The following PAK1 variants were observed in gnomAD, a reference collection of about 807,000 sequenced individuals.
PAK1 encodes the protein serine/threonine-protein kinase PAK 1.
PAK1 carries 29 observed loss-of-function variants against 67.4 expected under a neutral mutation model. The ratio of observed to expected loss-of-function variants is 0.43; its 90% CI spans 0.32 to 0.59. The LOEUF is 0.59. PAK1 is among the 20% of genes least tolerant of loss of function. PAK1 has a pLI of 0.07. For missense variants in PAK1, 337 were observed against 670.7 expected, an observed-to-expected ratio of 0.50 and a Z score of 5.50; for synonymous variants, 223 against 237.4, an observed-to-expected ratio of 0.94 and a Z score of 0.56.
intron 1 of PAK1, among the ~76,000 whole-genome samples, chr11:77,437,269 A>G (rs1956167280): frequency 6.6e-6 from 1 of 152,212 alleles, no homozygotes; most frequent in Non-Finnish European, 1.5e-5. Context: ...TCAGGTACTT[A>G]GCACAGTCCC....
chr11:77,469,193 G>A (rs1309829652), intron 1 of PAK1, among the ~76,000 whole-genome samples: 2 of 152,152 alleles, frequency 1.3e-5, no homozygotes, highest in African/African-American at 4.8e-5. Context: ...GGAGTCAGGT[G>A]CACATGGACT....
intron 11 of PAK1, among the ~76,000 whole-genome samples, chr11:77,338,893 T>C (rs947862423): frequency 6.6e-6 from 1 of 151,908 alleles, no homozygotes; most frequent in Non-Finnish European, 1.5e-5. Context: ...AGGTAGAAAA[T>C]AGATTAGTGG....
the PAK1 span, among the ~76,000 whole-genome samples, chr11:77,504,184 C>T: frequency 6.6e-6 from 1 of 152,148 alleles, no homozygotes; most frequent in African/African-American, 2.4e-5. Flanking sequence ...TGAGCCACTG[C>T]ACCCGGCCCC....
At chr11:77,351,629 T>C (rs527276053) in intron 8 of PAK1, among the ~76,000 whole-genome samples, 1 of 151,876 alleles carries the variant, frequency 6.6e-6, no homozygotes, top group East Asian at 1.9e-4. Flanking sequence ...AAGCCCAGAG[T>C]TGTTCTGAGG....
intron 1 of PAK1, among the ~76,000 whole-genome samples, chr11:77,464,676 G>A (rs972450620): frequency 6.6e-6 from 1 of 152,162 alleles, no homozygotes; most frequent in Non-Finnish European, 1.5e-5. Context: ...AATACTTTAA[G>A]TCAAAAATGC....
chr11:77,330,826 A>G (rs1941320992), intron 14 of PAK1, among the ~76,000 whole-genome samples: 1 of 152,208 alleles, frequency 6.6e-6, no homozygotes, highest in Non-Finnish European at 1.5e-5. Context: ...AGCAAAAGAA[A>G]CCACCATCAG....
intron 1 of PAK1, among the ~76,000 whole-genome samples, chr11:77,415,121 A>T (rs944205867): frequency 2.0e-5 from 3 of 152,250 alleles, no homozygotes; most frequent in African/African-American, 7.2e-5. Flanking sequence ...TAAGCATATG[A>T]AAAGATGCTC....
At chr11:77,397,352 A>G (rs1410105470) in intron 1 of PAK1, among the ~76,000 whole-genome samples, 1 of 152,190 alleles carries the variant, frequency 6.6e-6, no homozygotes, top group Non-Finnish European at 1.5e-5. Context: ...CAATATTTTA[A>G]AAGATTACTG....
chr11:77,441,734 C>G (rs1156969671), intron 1 of PAK1, among the ~76,000 whole-genome samples: 5 of 152,188 alleles, frequency 3.3e-5, no homozygotes, highest in Non-Finnish European at 7.4e-5. Context: ...AGCTGATTTC[C>G]CATCTCATCA....
chr11:77,378,057 G>A (rs866328280), intron 4 of PAK1, among the ~76,000 whole-genome samples: 2 of 152,182 alleles, frequency 1.3e-5, no homozygotes, highest in South Asian at 4.1e-4. Context: ...GATACTGGCT[G>A]GGGAAAGCAT....
chr11:77,447,532 ATTC>A (rs1364138267), intron 1 of PAK1, among the ~76,000 whole-genome samples: 1 of 151,528 alleles, frequency 6.6e-6, no homozygotes, highest in East Asian at 1.9e-4. Flanking sequence ...GATGAAACAG[ATTC>A]TTTTTTTTTT....
intron 4 of PAK1, 31 bp downstream of exon 4, chr11:77,379,210 G>C (rs1460417929): frequency 3.2e-6 from 5 of 1,552,556 alleles, no homozygotes; most frequent in Non-Finnish European, 3.5e-6. Flanking sequence ...ACCATCTCTT[G>C]CTGAGACTGC....
At chr11:77,432,929 C>A (rs1955930295) in intron 1 of PAK1, among the ~76,000 whole-genome samples, 1 of 151,652 alleles carries the variant, frequency 6.6e-6, no homozygotes, top group Non-Finnish European at 1.5e-5. Context: ...CTAATACTTC[C>A]CAATTTCAAA....
intron 11 of PAK1, 66 bp from the exon 12 acceptor site, chr11:77,337,489 A>G: frequency 1.3e-6 from 1 of 756,978 alleles, no homozygotes; most frequent in Non-Finnish European, 2.2e-6. Flanking sequence ...GACTTAATAG[A>G]AAATCCACTA....
At chr11:77,444,372 G>A (rs115526440) in intron 1 of PAK1, among the ~76,000 whole-genome samples, 2,321 of 151,426 alleles carry the variant, frequency 0.015, 53 homozygotes, top group African/African-American at 0.053. Flanking sequence ...AGGGTGGGAC[G>A]TGGGTATCAT....
intron 1 of PAK1, among the ~76,000 whole-genome samples, chr11:77,408,776 C>CAACT (rs771772908): frequency 1.1e-3 from 166 of 152,120 alleles, no homozygotes; most frequent in Non-Finnish European, 2.0e-3. Flanking sequence ...GGCGCTCAAA[C>CAACT]AACTTAATAG....
chr11:77,364,536 G>A (rs115300267), intron 5 of PAK1, among the ~76,000 whole-genome samples: 185 of 152,290 alleles, frequency 1.2e-3, no homozygotes, highest in African/African-American at 4.2e-3. Context: ...TCCCTAGTAA[G>A]ATAATACAAA....
rs1182817374 is a variant in PAK1 at position 77,340,655 on chromosome 11, C to T, written c.1107G>A (p.Val369=). 2 of 1,579,318 alleles carry T rather than the reference C, an allele frequency of 1.3e-6. No individual in the cohort carries two copies. The highest frequency in any genetic ancestry group is 1.7e-6 in the Non-Finnish European group (2 of 1,148,138). The change falls in exon 11 of 15, where the codon GTG becomes GTA. Residue 369 remains valine, a synonymous_variant. Transcript: ENST00000356341. The part of the protein sequence containing the change: ...TCMDEGQIAA[V]CRECLQALEF... ...TGGCCCTTGGCCTTACCTCACGGCA[C>T]ACAGCTGCAATTTGGCCTTCATCCA...
At chr11:77,358,497 AG>A (rs1946342695) in intron 6 of PAK1, among the ~76,000 whole-genome samples, 1 of 152,182 alleles carries the variant, frequency 6.6e-6, no homozygotes, top group African/African-American at 2.4e-5. Flanking sequence ...ATGCTCTAAG[AG>A]GCTGAACACT....
Sources: gnomAD v4.1 joint callset for allele counts (sites outside exome capture counted in the v4.1 genomes callset) on GRCh38, gnomAD v4.1.1 for gene constraint, MANE v1.5 for transcripts, NCBI Gene and HGNC (gene_info 2026-07-23, HGNC 2026-07-21) for gene names.